POLR2J3: variants seen among roughly 807,000 people sequenced by gnomAD.
POLR2J3 encodes the protein DNA-directed RNA polymerase II subunit RPB11-b2.
For missense variants in POLR2J3, 5 were observed against 204.2 expected (o/e 0.02, Z 5.95); for synonymous variants, 2 against 81.3 (o/e 0.02, Z 5.25).
chr7:102,572,240 C>T, intron 1 of POLR2J3: 1 of 1,413,042 alleles, frequency 7.1e-7, no homozygotes, highest in East Asian at 2.5e-5. Context: ...AGCGCCGCCA[C>T]TTCCTGTGTC....
chr7:102,572,331 T>C (rs1801248769), intron 1 of POLR2J3, 141 bp downstream of exon 1: 4 of 1,546,248 alleles, frequency 2.6e-6, no homozygotes, highest in Admixed American at 4.0e-5. Context: ...CGGAACGGCC[T>C]TAAATTTGGC....
chr7:102,570,130 C>CAAA (rs1801190427), intron 1 of POLR2J3, among the ~76,000 whole-genome samples: 1 of 91,918 alleles, frequency 1.1e-5, no homozygotes. Flanking sequence ...ACTAAAAATA[C>CAAA]AAAGAAAAAA....
chr7:102,567,606 T>TA (rs1463292184), intron 2 of POLR2J3: 9 of 81,630 alleles, frequency 1.1e-4, no homozygotes, highest in African/African-American at 4.3e-4. Context: ...CTTTCCCCTC[T>TA]AAACTGTTCT....
chr7:102,570,712 T>C (rs1801212046), intron 1 of POLR2J3, among the ~76,000 whole-genome samples: 2 of 152,078 alleles, frequency 1.3e-5, no homozygotes, highest in Admixed American at 1.3e-4. Flanking sequence ...AGAGAGGCCC[T>C]GAAGTTACAC....
intron 2 of POLR2J3, 48 bp downstream of exon 2, chr7:102,569,787 A>G (rs1182280393): frequency 6.3e-7 from 1 of 1,585,870 alleles, no homozygotes; most frequent in African/African-American, 1.3e-5. Context: ...CTTTGCCCAG[A>G]GGGGCCCATT....
At chr7:102,571,996 CAG>C (rs1206938711) in intron 1 of POLR2J3, 165 of 327,596 alleles carry the variant, frequency 5.0e-4, no homozygotes, top group African/African-American at 3.4e-3. Context: ...GATGAGGAAA[CAG>C]GGCCTCCGAC....
chr7:102,569,883 A>T lies in POLR2J3; in HGVS notation c.92T>A (p.Leu31Ter), dbSNP rs1354121679. 6.2e-7 allele frequency: 1 copy of T among 1,608,130 alleles called. No individual in the cohort carries two copies. Among genetic ancestry groups the T allele is most frequent in the Admixed American group, 1.7e-5 (1 of 59,974 alleles). ...GTGGTCTTCTTTGTTGATGGTGAATAAACAGGCATTGGGTACCTTGGTGTC... is the reference window on the plus strand; with the variant it reads ...GTGGTCTTCTTTGTTGATGGTGAATTAACAGGCATTGGGTACCTTGGTGTC... Residue 31 changes from leucine (L) to a stop codon, truncating the protein, a stop_gained, in exon 2 of 7, where the codon TTA becomes TAA. Coordinates refer to ENST00000513506, the Ensembl canonical transcript of POLR2J3. LOFTEE classifies it high-confidence loss of function.
intron 1 of POLR2J3, 122 bp from the exon 2 acceptor site, chr7:102,570,046 AGGC>A: frequency 6.3e-6 from 6 of 954,082 alleles, no homozygotes; most frequent in Non-Finnish European, 1.0e-5. Context: ...ACACTTTGGG[AGGC>A]TGAGGTGGAT....
rs764044873 is a variant in POLR2J3, at chr7:102,570,134, G to GAAA, written c.51-213_51-211dup. On this transcript the variant is annotated intron_variant, in intron 1 of 6. Transcript: ENST00000513506. ...ACCCTGTCTGTACTAAAAATACAAAGAAAAAAAAAAAATTAGCTGAGTGTG... is the reference window on the plus strand; with the variant it reads ...ACCCTGTCTGTACTAAAAATACAAAGAAAAAAAAAAAAAAATTAGCTGAGTGTG... 9.4e-3 allele frequency among the ~76,000 whole-genome samples: 660 copies of GAAA among 70,098 alleles called. 1 individual carries two copies. The highest frequency in any genetic ancestry group is 0.014 in the Non-Finnish European group (407 of 29,808). 46.0% of individuals were successfully genotyped at this position (70,098 alleles called of 152,430 possible). A position where few individuals can be genotyped will look rare whatever the true frequency, so the allele number is the denominator to read the frequency against.
chr7:102,572,026 C>CA (rs1479890162), intron 1 of POLR2J3: 2 of 486,986 alleles, frequency 4.1e-6, no homozygotes, highest in East Asian at 1.0e-4. Flanking sequence ...GCCACTCGCC[C>CA]ACAGATACAG....
chr7:102,568,896 G>T (rs1220139298), intron 2 of POLR2J3, among the ~76,000 whole-genome samples: 1 of 151,702 alleles, frequency 6.6e-6, no homozygotes, highest in African/African-American at 2.4e-5. Flanking sequence ...TCACAGACGG[G>T]GAAAAGCCTG....
chr7:102,568,636 C>G, intron 2 of POLR2J3, among the ~76,000 whole-genome samples: 1 of 138,010 alleles, frequency 7.2e-6, no homozygotes, highest in East Asian at 2.2e-4. Flanking sequence ...AGCGGCTGGC[C>G]ACGCACACTG....
chr7:102,568,717 GA>G (rs1180132152), intron 2 of POLR2J3, among the ~76,000 whole-genome samples: 431 of 93,160 alleles, frequency 4.6e-3, no homozygotes, highest in African/African-American at 0.013. Flanking sequence ...GAGTGGCTCA[GA>G]GTGGCGTGAG....
intron 2 of POLR2J3, chr7:102,567,341 G>A: frequency 1.8e-6 from 1 of 569,372 alleles, no homozygotes; most frequent in Admixed American, 3.1e-5. Context: ...TTGATTGATT[G>A]ACTGAGATGG....
chr7:102,572,332 T>C, intron 1 of POLR2J3, 140 bp downstream of exon 1: 2 of 1,546,162 alleles, frequency 1.3e-6, no homozygotes, highest in Non-Finnish European at 1.7e-6. Context: ...GGAACGGCCT[T>C]AAATTTGGCT....
intron 2 of POLR2J3, among the ~76,000 whole-genome samples, 181 bp from the exon 3 acceptor site, chr7:102,568,365 CCA>C (rs1158874158): frequency 1.3e-5 from 2 of 148,306 alleles, no homozygotes; most frequent in African/African-American, 2.4e-5. Context: ...CCTATCCCCG[CCA>C]CACACACACA....
chr7:102,569,293 G>A (rs1801154881), intron 2 of POLR2J3: 1 of 221,190 alleles, frequency 4.5e-6, no homozygotes, highest in Admixed American at 5.9e-5. Context: ...TGAATGTAAG[G>A]CCGGGCGCAG....
At chr7:102,572,046 A>AT in intron 1 of POLR2J3, 1 of 637,280 alleles carries the variant, frequency 1.6e-6, no homozygotes, top group Non-Finnish European at 2.4e-6. Context: ...GAGTGAGCCC[A>AT]AGCTCTCTCC....
intron 1 of POLR2J3, chr7:102,572,211 C>T (rs1474466847): frequency 3.8e-6 from 4 of 1,063,894 alleles, no homozygotes; most frequent in Admixed American, 5.8e-5. Flanking sequence ...GAGAACCAGA[C>T]ACTCTGGGTT....
Sources: gnomAD v4.1 joint callset for allele counts (sites outside exome capture counted in the v4.1 genomes callset) on GRCh38, gnomAD v4.1.1 for gene constraint, MANE v1.5 for transcripts, NCBI Gene and HGNC (gene_info 2026-07-23, HGNC 2026-07-21) for gene names.